NAT1: variants seen among roughly 807,000 people sequenced by gnomAD.
The protein encoded by NAT1 is arylamine N-acetyltransferase 1.
For synonymous variants in NAT1, 144 were observed against 122.6 expected (o/e 1.17, Z -1.16); for missense variants, 400 against 339.2 (o/e 1.18, Z -1.41).
rs1214853644 is a variant in NAT1 at position 18,205,065 on chromosome 8, G to A, written n.93-4716G>A. ...TATCCACTGTGTTGAGGGGGGTCGA[G>A]GTACTCCCGGACCATTGGTCACTAC... is the stretch of plus-strand genomic sequence containing the variant. On this transcript the variant is annotated intron_variant and non_coding_transcript_variant, in intron 2 of 4. Transcript: ENST00000517441. 2.0e-5 allele frequency among the ~76,000 whole-genome samples: 3 copies of A among 152,160 alleles called. No homozygotes were observed. The East Asian group carries it at 5.8e-4, about 29-fold the overall frequency.
intron 2 of NAT1, among the ~76,000 whole-genome samples, chr8:18,195,535 A>G (rs1367547010): frequency 6.6e-6 from 1 of 152,174 alleles, no homozygotes; most frequent in Non-Finnish European, 1.5e-5. Context: ...AGAGAACTGT[A>G]TACGCTTCCT....
chr8:18,195,735 C>G (rs1321934339), intron 2 of NAT1, among the ~76,000 whole-genome samples: 1 of 152,134 alleles, frequency 6.6e-6, no homozygotes, highest in African/African-American at 2.4e-5. Flanking sequence ...TCCTCCTGAG[C>G]TTTTTTCTAG....
chr8:18,214,985 C>T lies in NAT1; in HGVS notation c.-85-4426C>T, dbSNP rs150212273. Among the ~76,000 whole-genome samples the T allele has an allele frequency of 6.6e-5, 10 of 152,290 alleles. No individual in the cohort carries two copies. In the South Asian group the frequency reaches 1.2e-3, roughly 19 times the overall value. On this transcript the variant is annotated intron_variant, in intron 1 of 2. Coordinates refer to ENST00000307719, the MANE Select transcript of NAT1 (RefSeq NM_000662.8). Reference sequence around the variant, plus strand: ...TAGTTTGCTAAGGATAATAGCTTCCCGCTCCATCCATGTTTCCATGAAAGA... The same window carrying T: ...TAGTTTGCTAAGGATAATAGCTTCCTGCTCCATCCATGTTTCCATGAAAGA...
chr8:18,209,216 A>ACATGC (rs879362525), upstream of NAT1, among the ~76,000 whole-genome samples: 1 of 152,238 alleles, frequency 6.6e-6, no homozygotes, highest in African/African-American at 2.4e-5. Context: ...CTGCCTGAGG[A>ACATGC]CATGCCAAGA....
chr8:18,222,178 G>A lies in NAT1; in HGVS notation c.131G>A (p.Cys44Tyr), dbSNP rs1805373965. 6 of 1,614,132 alleles carry A rather than the reference G, an allele frequency of 3.7e-6. No individual in the cohort carries two copies. The highest frequency in any genetic ancestry group is 5.1e-6 in the Non-Finnish European group (6 of 1,180,010). The change falls in exon 3 of 3, where the codon TGT becomes TAT. Residue 44 changes from cysteine to tyrosine, a missense_variant. Cys to Tyr is a radical substitution (Grantham distance 194). Transcript: ENST00000307719. Reference protein sequence around the residue: ...AVPFENLNIHCGDAMDLGLEA... With the variant: ...AVPFENLNIHYGDAMDLGLEA... ...CCCTTTGAGAACCTTAACATCCATT[G>A]TGGGGATGCCATGGACTTAGGCTTA... is the stretch of plus-strand genomic sequence containing the variant.
intron 2 of NAT1, among the ~76,000 whole-genome samples, chr8:18,171,760 G>C (rs1399816425): frequency 6.6e-6 from 1 of 152,146 alleles, no homozygotes; most frequent in Non-Finnish European, 1.5e-5. Flanking sequence ...AACATTCTGA[G>C]CTAGAAACGC....
intron 1 of NAT1, among the ~76,000 whole-genome samples, chr8:18,215,929 T>G (rs564978559): frequency 6.6e-6 from 1 of 152,168 alleles, no homozygotes; most frequent in Non-Finnish European, 1.5e-5. Context: ...GACAGGTCTA[T>G]GCCTTTCTCT....
chr8:18,200,553 A>T (rs1803417461), intron 2 of NAT1, among the ~76,000 whole-genome samples: 1 of 152,168 alleles, frequency 6.6e-6, no homozygotes, highest in Admixed American at 6.5e-5. Flanking sequence ...GGGTGGGAGG[A>T]TGGTAAGGAT....
At chr8:18,207,748 A>C (rs1190084476), upstream of NAT1, among the ~76,000 whole-genome samples, 1 of 152,238 alleles carries the variant, frequency 6.6e-6, no homozygotes, top group Admixed American at 6.5e-5. Flanking sequence ...CATTTGACCC[A>C]TCAATCCCAT....
rs190426830 is a variant in NAT1, at chr8:18,197,425, T to G, written n.93-12356T>G. On this transcript the variant is annotated intron_variant and non_coding_transcript_variant, in intron 2 of 4. Coordinates refer to the NAT1 transcript ENST00000517441. ...CTCAACCAGGAGTGATCTCTCCACC[T>G]CTAGCAGACATCGGCAGTGTCTGGA... Among the ~76,000 whole-genome samples, 77 of 152,306 alleles carry G rather than the reference T, an allele frequency of 5.1e-4. 1 individual carries two copies. The East Asian group carries it at 0.015, about 29-fold the overall frequency.
intron 2 of NAT1, among the ~76,000 whole-genome samples, chr8:18,181,337 G>A (rs556741056): frequency 3.3e-5 from 5 of 151,942 alleles, no homozygotes; most frequent in East Asian, 1.9e-4. Context: ...CAGATTCAAC[G>A]CAATCCCTAT....
At chr8:18,198,468 G>A (rs1803325376) in intron 2 of NAT1, among the ~76,000 whole-genome samples, 1 of 152,110 alleles carries the variant, frequency 6.6e-6, no homozygotes, top group South Asian at 2.1e-4. Flanking sequence ...CCTAAAGGGA[G>A]TATCAAGAGC....
chr8:18,210,046 GGGGGC>G (rs1326683010), upstream of NAT1: 2 of 152,170 alleles, frequency 1.3e-5, no homozygotes, highest in Non-Finnish European at 2.9e-5. Flanking sequence ...ATGTGACTCT[GGGGGC>G]GGGGCCAGTT....
rs1802734719 is a variant in NAT1, at chr8:18,186,360, G to A, written n.92+15621G>A. Among the ~76,000 whole-genome samples the A allele has an allele frequency of 2.6e-5, 4 of 152,098 alleles. No individual in the cohort carries two copies. The South Asian group carries it at 8.3e-4, about 32-fold the overall frequency. ...AAGTGCTCCTCTTAATTCTCATAAT[G>A]CTTTTATCTCAGTGACTAGCTTGCA... On this transcript the variant is annotated intron_variant and non_coding_transcript_variant, in intron 2 of 4. Coordinates refer to the NAT1 transcript ENST00000517441.
rs574644592 is a variant in NAT1 at position 18,176,729 on chromosome 8, A to AT, written n.92+5998dup. On this transcript the variant is annotated intron_variant and non_coding_transcript_variant, in intron 2 of 4. Coordinates refer to the NAT1 transcript ENST00000517441. Reference sequence around the variant, plus strand: ...TTTGTGGTTCCATATGCATGTTAGGATTTTTTTTCTATTTTTATAAAAAAA... The same window carrying AT: ...TTTGTGGTTCCATATGCATGTTAGGATTTTTTTTTCTATTTTTATAAAAAAA... Among the ~76,000 whole-genome samples, 20 of 151,280 alleles carry AT rather than the reference A, an allele frequency of 1.3e-4. No homozygotes were observed. The South Asian group carries it at 3.3e-3, about 25-fold the overall frequency.
chr8:18,216,951 G>T, intron 1 of NAT1: 1 of 1,551,250 alleles, frequency 6.4e-7, no homozygotes, highest in Non-Finnish European at 8.7e-7. Flanking sequence ...TCCAGCTGTT[G>T]GCTATAATAG....
At chr8:18,179,987 G>C (rs1299354229) in intron 2 of NAT1, among the ~76,000 whole-genome samples, 2 of 152,154 alleles carry the variant, frequency 1.3e-5, no homozygotes, top group Non-Finnish European at 2.9e-5. Context: ...TTACAGACTA[G>C]GCAGAGCCGG....
chr8:18,202,943 A>G (rs1024994381), intron 2 of NAT1, among the ~76,000 whole-genome samples: 2 of 152,096 alleles, frequency 1.3e-5, no homozygotes, highest in Admixed American at 6.6e-5. Flanking sequence ...GGTCCATTTT[A>G]TAGAGTACTG....
chr8:18,187,018 A>G (rs1340884025), intron 2 of NAT1, among the ~76,000 whole-genome samples: 1 of 152,064 alleles, frequency 6.6e-6, no homozygotes, highest in Non-Finnish European at 1.5e-5. Flanking sequence ...GTGACTCTTG[A>G]TTTCATTTGT....
Sources: allele counts gnomAD v4.1 joint callset (sites outside exome capture counted in the v4.1 genomes callset), GRCh38; gene constraint gnomAD v4.1.1; transcripts MANE v1.5; gene names NCBI Gene and HGNC (gene_info 2026-07-23, HGNC 2026-07-21).